Variants in PKIB observed in about 807,000 individuals in gnomAD.
PKIB encodes the protein cAMP-dependent protein kinase inhibitor beta.
PKIB carries 2 observed loss-of-function variants against 4.5 expected under a neutral mutation model. The observed-to-expected ratio is 0.44, with a 90% CI of 0.18 to 1.39. PKIB has a LOEUF of 1.39. Among genes scored for constraint, PKIB ranks in the 40% most tolerant of loss-of-function variants. The pLI, the probability that PKIB is intolerant of heterozygous loss-of-function variation, is 0.27. For missense variants in PKIB, 94 were observed against 92.6 expected (o/e 1.02, Z -0.06); for synonymous variants, 38 against 36.0 (o/e 1.06, Z -0.20).
intron 3 of PKIB, chr6:122,717,469 G>A (rs371792729): frequency 2.4e-5 from 9 of 377,624 alleles, no homozygotes; most frequent in East Asian, 7.8e-5. Context: ...TTCCTTCCAA[G>A]CCCTAGTTTG....
intron 2 of PKIB, among the ~76,000 whole-genome samples, chr6:122,583,336 CTT>C (rs1243946967): frequency 6.6e-6 from 1 of 152,024 alleles, no homozygotes; most frequent in Admixed American, 6.6e-5. Flanking sequence ...TAGGGAAGGA[CTT>C]ATACATTCTT....
At chr6:122,588,109 C>G (rs1189605754) in intron 3 of PKIB, among the ~76,000 whole-genome samples, 1 of 152,178 alleles carries the variant, frequency 6.6e-6, no homozygotes. Context: ...ATGCCTATGT[C>G]CTGAATGGTA....
At position 122,597,228 on chromosome 6, in the gene PKIB, C is replaced by T. The variant is rs76855527; in HGVS notation, c.-161+11221C>T. 9.2e-3 allele frequency among the ~76,000 whole-genome samples: 1,396 copies of T among 152,202 alleles called. 23 individuals are homozygous for T. Among genetic ancestry groups the T allele is most frequent in the African/African-American group, 0.03 (1,245 of 41,516 alleles). ...ATATAATCAATGTAATGGCCCAGCGCGATATCTTGTAGAAGCGAAAAGTGA... is the reference window on the plus strand; with the variant it reads ...ATATAATCAATGTAATGGCCCAGCGTGATATCTTGTAGAAGCGAAAAGTGA... On this transcript the variant is annotated intron_variant, in intron 3 of 6. Coordinates refer to the PKIB transcript ENST00000392491.
intron 3 of PKIB, among the ~76,000 whole-genome samples, chr6:122,677,290 T>G (rs1488410055): frequency 6.6e-6 from 1 of 152,244 alleles, no homozygotes; most frequent in Non-Finnish European, 1.5e-5. Context: ...GCAGCAGGGC[T>G]GAAGCAAGGC....
chr6:122,475,099 T>A (rs923348244), intron 1 of PKIB, among the ~76,000 whole-genome samples: 2 of 152,162 alleles, frequency 1.3e-5, no homozygotes, highest in Non-Finnish European at 1.5e-5. Flanking sequence ...AGTGGCCTGA[T>A]CTCGGCTCAC....
At chr6:122,516,031 G>T (rs1255826670) in intron 2 of PKIB, among the ~76,000 whole-genome samples, 1 of 152,110 alleles carries the variant, frequency 6.6e-6, no homozygotes, top group Non-Finnish European at 1.5e-5. Context: ...AGTTTTTAAT[G>T]ATTCCTGGCT....
At chr6:122,538,836 G>T (rs1406107466) in intron 2 of PKIB, among the ~76,000 whole-genome samples, 1 of 152,052 alleles carries the variant, frequency 6.6e-6, no homozygotes, top group East Asian at 1.9e-4. Context: ...CCATTTGTTT[G>T]TATCCTCTTT....
rs139356330 is a variant in PKIB at position 122,676,296 on chromosome 6, A to G, written c.-9+1152A>G. 2.8e-3 allele frequency among the ~76,000 whole-genome samples: 429 copies of G among 152,206 alleles called. 2 individuals carry two copies. The highest frequency in any genetic ancestry group is 9.7e-3 in the African/African-American group (402 of 41,522). ...TGCTGCCACTGATCTGACAGGAGGC[A>G]GAGCTCAAGTGGTAATGTGAGTGAT... On this transcript the variant is annotated intron_variant, in intron 3 of 4. Coordinates refer to ENST00000368452, the MANE Select transcript of PKIB (RefSeq NM_181795.3).
chr6:122,705,822 C>G (rs796179519), intron 3 of PKIB, among the ~76,000 whole-genome samples: 3 of 152,234 alleles, frequency 2.0e-5, no homozygotes, highest in African/African-American at 7.2e-5. Context: ...GCCTTGGCCT[C>G]CCAAAGTGCT....
intron 2 of PKIB, chr6:122,493,334 A>G (rs1775989392): frequency 6.6e-6 from 1 of 152,206 alleles, no homozygotes; most frequent in Admixed American, 6.5e-5. Flanking sequence ...CCATCTGTGA[A>G]CCAGAAAGTG....
At chr6:122,613,959 CAAA>C (rs67112737) in intron 1 of PKIB, among the ~76,000 whole-genome samples, 6 of 77,398 alleles carry the variant, frequency 7.8e-5, no homozygotes, top group Admixed American at 1.6e-4. Flanking sequence ...GAGACTCCAT[CAAA>C]AAAAAAAAAA....
At chr6:122,696,743 A>G (rs1263307922) in intron 3 of PKIB, among the ~76,000 whole-genome samples, 2 of 152,200 alleles carry the variant, frequency 1.3e-5, no homozygotes, top group East Asian at 3.9e-4. Flanking sequence ...ACCTGAGGTA[A>G]TAGTTATACC....
At chr6:122,680,562 A>G (rs1296299539) in intron 3 of PKIB, among the ~76,000 whole-genome samples, 1 of 152,152 alleles carries the variant, frequency 6.6e-6, no homozygotes, top group Non-Finnish European at 1.5e-5. Flanking sequence ...GATTTCTGCG[A>G]CCTGCCTTGG....
intron 2 of PKIB, chr6:122,644,563 C>T (rs1317915101): frequency 6.6e-6 from 1 of 152,120 alleles, no homozygotes; most frequent in Non-Finnish European, 1.5e-5. Context: ...TCTCCCCCAG[C>T]GTTCTTAAGA....
intron 2 of PKIB, among the ~76,000 whole-genome samples, chr6:122,640,858 C>A (rs1477245112): frequency 1.3e-5 from 2 of 152,054 alleles, no homozygotes; most frequent in African/African-American, 4.8e-5. Context: ...CCAGGCCTAT[C>A]TTAGGTTAGT....
At chr6:122,714,951 T>A in intron 3 of PKIB, among the ~76,000 whole-genome samples, 1 of 138,570 alleles carries the variant, frequency 7.2e-6, no homozygotes, top group South Asian at 2.1e-4. Flanking sequence ...TACCTGACTA[T>A]TTTTTTTTAT....
rs556654779 is a variant in PKIB at position 122,599,387 on chromosome 6, C to T, written c.-161+13380C>T. Among the ~76,000 whole-genome samples the T allele has an allele frequency of 9.8e-5, 15 of 152,324 alleles. No individual in the cohort carries two copies. The East Asian group carries it at 2.9e-3, about 29-fold the overall frequency. On this transcript the variant is annotated intron_variant, in intron 3 of 6. Transcript: ENST00000392491. ...GGGTCCCATTCTTTTCCAATCAATGCCCTCACTTTAACAGTAGACACCTGG... is the reference window on the plus strand; with the variant it reads ...GGGTCCCATTCTTTTCCAATCAATGTCCTCACTTTAACAGTAGACACCTGG...
intron 1 of PKIB, among the ~76,000 whole-genome samples, chr6:122,623,810 T>C (rs1329090768): frequency 1.3e-5 from 2 of 151,564 alleles, no homozygotes; most frequent in African/African-American, 2.4e-5. Context: ...TTTTCTAAGA[T>C]ATACTGAAAG....
rs891378851 is a variant in PKIB, at chr6:122,477,362, T to A, written c.-336-489T>A. On this transcript the variant is annotated intron_variant, in intron 1 of 6. Transcript: ENST00000392491. ...TTAGATATTTCAGATAAAGTGGTTT[T>A]AAGCCTGTGCATTTGCTTTAGGTAT... is the stretch of plus-strand genomic sequence containing the variant. 3.3e-5 allele frequency among the ~76,000 whole-genome samples: 5 copies of A among 152,226 alleles called. No individual in the cohort carries two copies. The East Asian group carries it at 9.6e-4, about 29-fold the overall frequency.
Sources: gnomAD v4.1 joint callset for allele counts (sites outside exome capture counted in the v4.1 genomes callset) on GRCh38, gnomAD v4.1.1 for gene constraint, MANE v1.5 for transcripts, NCBI Gene and HGNC (gene_info 2026-07-23, HGNC 2026-07-21) for gene names.